Variants in TMEM161B observed in about 807,000 individuals in gnomAD.
TMEM161B encodes transmembrane protein 161B.
Under a neutral mutation model 61.8 loss-of-function variants are expected in TMEM161B, and 34 were observed. The observed-to-expected ratio is 0.55, with a 90% CI of 0.42 to 0.73. The LOEUF (loss-of-function observed/expected upper bound fraction) is 0.73. TMEM161B is among the 30% of genes least tolerant of loss of function. The pLI is 0.00. For missense variants in TMEM161B, 456 were observed against 558.5 expected (o/e 0.82, Z 1.85); for synonymous variants, 167 against 192.8 (o/e 0.87, Z 1.11).
rs1408235587 is a variant in TMEM161B, at chr5:88,196,298, C to T, written c.1377G>A (p.Leu459=). ...IFTPLLFRGL[L]SFLTWWIAAC... ...CAGCAATCCACCAGGTCAGAAAAGACAGAAGTCCTCGAAAAAGAAGAGGAG... is the reference window on the plus strand; with the variant it reads ...CAGCAATCCACCAGGTCAGAAAAGATAGAAGTCCTCGAAAAAGAAGAGGAG... Residue 459 remains leucine, a synonymous_variant, in exon 12 of 12, where the codon CTG becomes CTA. Transcript: ENST00000296595. The T allele has an allele frequency of 6.2e-7, 1 of 1,613,128 alleles. No individual in the cohort carries two copies. Among genetic ancestry groups the T allele is most frequent in the Non-Finnish European group, 8.5e-7 (1 of 1,179,504 alleles).
At chr5:88,241,010 T>A in intron 1 of TMEM161B, 94 bp from the exon 2 acceptor site, 1 of 817,966 alleles carries the variant, frequency 1.2e-6, no homozygotes, top group Non-Finnish European at 1.8e-6. Flanking sequence ...AATTACATTT[T>A]AAGAAAAATG....
chr5:88,216,936 T>C (rs1418571449), intron 5 of TMEM161B, among the ~76,000 whole-genome samples: 2 of 152,222 alleles, frequency 1.3e-5, no homozygotes, highest in Non-Finnish European at 2.9e-5. Context: ...GTTTCAGCTT[T>C]TTCTGCTATA....
At chr5:88,208,227 T>G (rs1384393563) in intron 5 of TMEM161B, among the ~76,000 whole-genome samples, 1 of 150,940 alleles carries the variant, frequency 6.6e-6, no homozygotes, top group East Asian at 2.0e-4. Flanking sequence ...CTCACGCCTG[T>G]GATCCCAGCA....
At chr5:88,186,903 A>AAACAAC (rs34811188), downstream of TMEM161B, among the ~76,000 whole-genome samples, 105 of 150,906 alleles carry the variant, frequency 7.0e-4, 1 homozygote, top group Middle Eastern at 6.8e-3. Flanking sequence ...ACTCTGTCTC[A>AAACAAC]AACAACAACA....
At chr5:88,258,226 T>C (rs73170000) in intron 1 of TMEM161B, among the ~76,000 whole-genome samples, 111 of 152,344 alleles carry the variant, frequency 7.3e-4, no homozygotes, top group African/African-American at 2.6e-3. Flanking sequence ...CTAGAAAACA[T>C]ATTTTGTTGG....
At chr5:88,222,435 G>C (rs905029765) in intron 4 of TMEM161B, among the ~76,000 whole-genome samples, 1 of 151,800 alleles carries the variant, frequency 6.6e-6, no homozygotes, top group South Asian at 2.1e-4. Context: ...ATACTGATGT[G>C]GTTACAGGAT....
intron 2 of TMEM161B, among the ~76,000 whole-genome samples, chr5:88,232,776 G>A (rs566883735): frequency 2.6e-5 from 4 of 152,204 alleles, no homozygotes; most frequent in Admixed American, 6.5e-5. Context: ...GGGTTTCACC[G>A]TGTTAGCCAG....
At chr5:88,255,403 G>A (rs1754849467) in intron 1 of TMEM161B, among the ~76,000 whole-genome samples, 1 of 152,118 alleles carries the variant, frequency 6.6e-6, no homozygotes, top group African/African-American at 2.4e-5. Context: ...AAAAATGGGG[G>A]CCTATACTAA....
In TMEM161B at chr5:88,257,083, A is replaced by G. The variant is rs914476704; in HGVS notation, c.3+11638T>C. Among the ~76,000 whole-genome samples, 8 of 152,166 alleles carry G rather than the reference A, an allele frequency of 5.3e-5. No homozygotes were observed. In the East Asian group the frequency reaches 1.3e-3, roughly 26 times the overall value. ...CAGGAATTCCAGACCAGACTGGCCAACGTGGTGAAACCTCCTCACTAGTAA... is the reference window on the plus strand; with the variant it reads ...CAGGAATTCCAGACCAGACTGGCCAGCGTGGTGAAACCTCCTCACTAGTAA... On this transcript the variant is annotated intron_variant, in intron 1 of 11. Coordinates refer to ENST00000296595, the MANE Select transcript of TMEM161B (RefSeq NM_153354.5).
At chr5:88,219,903 A>G (rs967289082) in intron 5 of TMEM161B, among the ~76,000 whole-genome samples, 1 of 152,138 alleles carries the variant, frequency 6.6e-6, no homozygotes, top group African/African-American at 2.4e-5. Context: ...GGTAGAGGGA[A>G]TTCTTGGAAG....
At chr5:88,220,765 A>C (rs1023179351) in intron 4 of TMEM161B, 46 bp from the exon 5 acceptor site, 1 of 1,492,670 alleles carries the variant, frequency 6.7e-7, no homozygotes, top group Non-Finnish European at 8.9e-7. Context: ...CAAAAAAAAC[A>C]GTTTCACTTA....
chr5:88,206,950 T>G, intron 6 of TMEM161B, 79 bp downstream of exon 6: 1 of 1,258,778 alleles, frequency 7.9e-7, no homozygotes, highest in Non-Finnish European at 1.1e-6. Context: ...TTATCAGACA[T>G]AAAACTTAAA....
chr5:88,195,092 T>G lies in TMEM161B; in HGVS notation c.*1119A>C. ...TAGACCTGATTTGAGAGGGAAAGATTCTGATTTTTGGAAATGACAGAAAAA... is the reference window on the plus strand; with the variant it reads ...TAGACCTGATTTGAGAGGGAAAGATGCTGATTTTTGGAAATGACAGAAAAA... On this transcript the variant is annotated 3_prime_UTR_variant, in exon 12 of 12. Coordinates refer to ENST00000296595, the MANE Select transcript of TMEM161B (RefSeq NM_153354.5). The G allele has an allele frequency of 2.1e-6, 2 of 960,210 alleles. No homozygotes were observed. The highest frequency in any genetic ancestry group is 2.5e-6 in the Non-Finnish European group (2 of 806,698). 59.5% of individuals were successfully genotyped at this position (960,210 alleles called of 1,614,324 possible).
At chr5:88,218,614 C>T (rs1186799248) in intron 5 of TMEM161B, among the ~76,000 whole-genome samples, 2 of 152,060 alleles carry the variant, frequency 1.3e-5, no homozygotes, top group Non-Finnish European at 2.9e-5. Flanking sequence ...GAGACCCTGT[C>T]TCTACAGAAA....
At position 88,268,828 on chromosome 5, in the gene TMEM161B, A is replaced by T; in HGVS notation, c.-105T>A. ...CCGAGAGACTCTCAAACAGCGAAAGAGAGGGTCTTCCGGCTCTGCCGGAAG... is the reference window on the plus strand; with the variant it reads ...CCGAGAGACTCTCAAACAGCGAAAGTGAGGGTCTTCCGGCTCTGCCGGAAG... On this transcript the variant is annotated 5_prime_UTR_variant, in exon 1 of 12. Transcript: ENST00000296595. 1 of 1,584,618 alleles carries T rather than the reference A, an allele frequency of 6.3e-7. No individual in the cohort carries two copies. Among genetic ancestry groups the T allele is most frequent in the Non-Finnish European group, 8.6e-7 (1 of 1,160,016 alleles).
At chr5:88,221,899 T>C (rs538303752) in intron 4 of TMEM161B, 1 of 339,968 alleles carries the variant, frequency 2.9e-6, no homozygotes, top group South Asian at 2.4e-5. Flanking sequence ...ACGATATCCT[T>C]ATAGAAAAAG....
At chr5:88,214,483 T>G (rs1747451036) in intron 5 of TMEM161B, among the ~76,000 whole-genome samples, 1 of 152,220 alleles carries the variant, frequency 6.6e-6, no homozygotes, top group Admixed American at 6.5e-5. Flanking sequence ...GTAAAATATT[T>G]TCATTTTTTA....
chr5:88,188,514 T>C (rs1333786326), downstream of TMEM161B, among the ~76,000 whole-genome samples: 2 of 152,186 alleles, frequency 1.3e-5, no homozygotes, highest in African/African-American at 2.4e-5. Context: ...TTTATTTGAA[T>C]GGCCCAGAAT....
intron 1 of TMEM161B, among the ~76,000 whole-genome samples, chr5:88,246,250 A>C (rs1181882838): frequency 6.6e-6 from 1 of 151,652 alleles, no homozygotes; most frequent in East Asian, 1.9e-4. Flanking sequence ...CCTACAATGT[A>C]TCTGCTCTTA....
Sources: gnomAD v4.1 joint callset for allele counts (sites outside exome capture counted in the v4.1 genomes callset) on GRCh38, gnomAD v4.1.1 for gene constraint, MANE v1.5 for transcripts, NCBI Gene and HGNC (gene_info 2026-07-23, HGNC 2026-07-21) for gene names.